The following BMAL1 variants were observed in gnomAD, a reference collection of about 807,000 sequenced individuals.
BMAL1 encodes the protein basic helix-loop-helix ARNT like 1.
chr11:13,365,768 T>G, the BMAL1 span, among the ~76,000 whole-genome samples: 1 of 152,244 alleles, frequency 6.6e-6, no homozygotes, highest in South Asian at 2.1e-4. Flanking sequence ...ATGTTCCGTA[T>G]TCCCCCCATT....
chr11:13,326,944 C>T, the BMAL1 span, among the ~76,000 whole-genome samples: 4 of 152,034 alleles, frequency 2.6e-5, no homozygotes, highest in East Asian at 2.0e-4. Flanking sequence ...CTCAGCCTCC[C>T]GAGTAGCTGG....
chr11:13,334,529 T>TG, the BMAL1 span, among the ~76,000 whole-genome samples: 1 of 8,276 alleles, frequency 1.2e-4, no homozygotes, highest in Admixed American at 4.0e-3. Flanking sequence ...GCTCTTGATG[T>TG]TTTTTTTTTT....
chr11:13,347,158 C>T, the BMAL1 span, among the ~76,000 whole-genome samples: 2 of 151,902 alleles, frequency 1.3e-5, no homozygotes, highest in East Asian at 1.9e-4. Flanking sequence ...TTTGGGAGGC[C>T]GAGATGGAGG....
chr11:13,358,358 A>C, the BMAL1 span: 3 of 1,410,150 alleles, frequency 2.1e-6, no homozygotes, highest in Non-Finnish European at 2.8e-6. Context: ...AACAGTTACA[A>C]CTCATTTATT....
the BMAL1 span, among the ~76,000 whole-genome samples, chr11:13,337,527 CTT>C: frequency 6.6e-6 from 1 of 152,108 alleles, no homozygotes; most frequent in Admixed American, 6.6e-5. Flanking sequence ...CATGAAATTA[CTT>C]TGTCAAAAGA....
the BMAL1 span, among the ~76,000 whole-genome samples, chr11:13,339,174 T>C: frequency 1.8e-4 from 28 of 152,230 alleles, no homozygotes; most frequent in Non-Finnish European, 5.9e-5. Flanking sequence ...AGGAAACCCA[T>C]TGGCTTTTCC....
At chr11:13,383,182 T>C in the BMAL1 span, among the ~76,000 whole-genome samples, 12 of 152,132 alleles carry the variant, frequency 7.9e-5, no homozygotes, top group African/African-American at 2.9e-4. Context: ...TTTGTCAGGA[T>C]CAAGCTAAAA....
the BMAL1 span, among the ~76,000 whole-genome samples, chr11:13,326,687 T>A: frequency 8.1e-5 from 12 of 148,972 alleles, no homozygotes; most frequent in African/African-American, 3.0e-4. Flanking sequence ...AAGATAAAGA[T>A]AATATATAGA....
the BMAL1 span, among the ~76,000 whole-genome samples, chr11:13,301,709 G>A: frequency 6.6e-6 from 1 of 152,212 alleles, no homozygotes; most frequent in Non-Finnish European, 1.5e-5. Flanking sequence ...CTGAAGAATT[G>A]CATGCCTGTA....
At chr11:13,352,594 G>A in the BMAL1 span, among the ~76,000 whole-genome samples, 38 of 152,294 alleles carry the variant, frequency 2.5e-4, no homozygotes, top group East Asian at 6.2e-3. Context: ...AGAATACAAC[G>A]TGTGTCCCGT....
chr11:13,301,888 C>T, the BMAL1 span, among the ~76,000 whole-genome samples: 1 of 152,182 alleles, frequency 6.6e-6, no homozygotes, highest in African/African-American at 2.4e-5. Flanking sequence ...ATTAATTGCC[C>T]AGGATCACAC....
chr11:13,298,292 G>A, the BMAL1 span, among the ~76,000 whole-genome samples: 2 of 152,260 alleles, frequency 1.3e-5, no homozygotes, highest in African/African-American at 4.8e-5. Context: ...TCCTGTTTAA[G>A]CTCTCCCTAC....
At chr11:13,341,388 C>T in the BMAL1 span, among the ~76,000 whole-genome samples, 2 of 152,232 alleles carry the variant, frequency 1.3e-5, no homozygotes, top group African/African-American at 4.8e-5. Context: ...CTTTTCTCTG[C>T]TGTTGAATGT....
chr11:13,300,998 C>T, the BMAL1 span, among the ~76,000 whole-genome samples: 6 of 152,276 alleles, frequency 3.9e-5, no homozygotes, highest in East Asian at 7.7e-4. Context: ...AGTGCAGTGG[C>T]GTGATCTTGG....
chr11:13,333,845 G>A, the BMAL1 span, among the ~76,000 whole-genome samples: 3 of 152,194 alleles, frequency 2.0e-5, no homozygotes, highest in African/African-American at 7.2e-5. Context: ...CGGTAGGCAT[G>A]GCACAATTCC....
chr11:13,284,256 A>ATGTG, the BMAL1 span, among the ~76,000 whole-genome samples: 9 of 25,024 alleles, frequency 3.6e-4, no homozygotes, highest in Non-Finnish European at 6.6e-4. Flanking sequence ...ATATATATAT[A>ATGTG]TATATATATA....
chr11:13,291,805 G>GTACTCTGTATGACACAGAA, the BMAL1 span, among the ~76,000 whole-genome samples: 1 of 151,236 alleles, frequency 6.6e-6, no homozygotes, highest in Non-Finnish European at 1.5e-5. Flanking sequence ...TAATTGACGT[G>GTACTCTGTATGACACAGAA]TACTCTGTAT....
chr11:13,381,269 T>G, the BMAL1 span: 1 of 1,612,728 alleles, frequency 6.2e-7, no homozygotes, highest in South Asian at 1.1e-5. Context: ...GACTGATGAT[T>G]CTTAGCCTAA....
chr11:13,307,848 C>G, the BMAL1 span, among the ~76,000 whole-genome samples: 1 of 152,210 alleles, frequency 6.6e-6, no homozygotes, highest in Non-Finnish European at 1.5e-5. Context: ...TGCCCCGAGG[C>G]CCGCGAGTCT....
Sources: allele counts gnomAD v4.1 joint callset (sites outside exome capture counted in the v4.1 genomes callset), GRCh38; gene constraint gnomAD v4.1.1; transcripts MANE v1.5; gene names NCBI Gene and HGNC (gene_info 2026-07-23, HGNC 2026-07-21).